The following ROBO2 variants were observed in gnomAD, a reference collection of about 807,000 sequenced individuals.
ROBO2 encodes roundabout homolog 2.
In ROBO2, 53 loss-of-function variants were observed where a neutral mutation model predicts 160.8. That is an observed-to-expected ratio of 0.33 (90% confidence interval 0.26 to 0.41). The LOEUF (loss-of-function observed/expected upper bound fraction) is 0.41. ROBO2 is among the 10% of genes least tolerant of loss of function. The pLI, the probability that ROBO2 is intolerant of heterozygous loss-of-function variation, is 1.00. For missense variants in ROBO2, 1,577 were observed against 1,722.4 expected (o/e 0.92, Z 1.49); for synonymous variants, 664 against 611.7 (o/e 1.09, Z -1.26).
intron 6 of ROBO2, among the ~76,000 whole-genome samples, chr3:77,528,771 T>C (rs2091402048): frequency 6.6e-6 from 1 of 151,710 alleles, no homozygotes; most frequent in Non-Finnish European, 1.5e-5. Flanking sequence ...TAAATAAAGC[T>C]ATGGTTCACA....
chr3:77,336,844 A>G (rs2066547843), intron 2 of ROBO2, among the ~76,000 whole-genome samples: 1 of 152,202 alleles, frequency 6.6e-6, no homozygotes, highest in African/African-American at 2.4e-5. Context: ...GTGATGCTGA[A>G]TGAATTGGTG....
At chr3:76,500,284 A>C (rs952311669) in intron 2 of ROBO2, among the ~76,000 whole-genome samples, 1 of 152,072 alleles carries the variant, frequency 6.6e-6, no homozygotes, top group Non-Finnish European at 1.5e-5. Flanking sequence ...ATACCTGGCT[A>C]ATTTGTGTAC....
intron 2 of ROBO2, among the ~76,000 whole-genome samples, chr3:77,346,349 A>G (rs60433902): frequency 0.032 from 4,863 of 152,216 alleles, 238 homozygotes; most frequent in African/African-American, 0.11. Flanking sequence ...CTCCAGTTGT[A>G]CTAATAATAG....
intron 2 of ROBO2, among the ~76,000 whole-genome samples, chr3:77,434,033 G>A (rs55665736): frequency 0.2 from 30,359 of 151,890 alleles, 3,853 homozygotes; most frequent in Middle Eastern, 0.28. Context: ...GCTACTCTTC[G>A]CACCAATCAT....
chr3:77,100,525 T>C (rs1026861826), intron 2 of ROBO2, among the ~76,000 whole-genome samples: 4 of 151,716 alleles, frequency 2.6e-5, no homozygotes, highest in Admixed American at 2.0e-4. Context: ...GAGGAACAGC[T>C]GTAGAGGAAC....
At chr3:76,181,405 C>T (rs1357688912) in intron 2 of ROBO2, among the ~76,000 whole-genome samples, 3 of 152,006 alleles carry the variant, frequency 2.0e-5, no homozygotes, top group Non-Finnish European at 2.9e-5. Context: ...TCAAATGAGT[C>T]GATTCAGCAG....
At position 76,620,012 on chromosome 3, in the gene ROBO2, G is replaced by A. The variant is rs182638266; in HGVS notation, c.110-478002G>A. Among the ~76,000 whole-genome samples the A allele has an allele frequency of 2.0e-5, 3 of 152,224 alleles. No homozygotes were observed. The East Asian group carries it at 5.8e-4, about 29-fold the overall frequency. The stretch of plus-strand genomic sequence containing the variant: ...TAAGGCTTGGAAATATAAAACATAT[G>A]TCTAGTTGGGAAATTGAACATTTAA... On this transcript the variant is annotated intron_variant, in intron 2 of 26. Transcript: ENST00000487694.
chr3:77,444,874 T>G (rs189454960), intron 2 of ROBO2, among the ~76,000 whole-genome samples: 24 of 152,326 alleles, frequency 1.6e-4, no homozygotes, highest in African/African-American at 5.3e-4. Flanking sequence ...CATGCAGAAT[T>G]GTCACCTATG....
At chr3:77,022,172 C>A (rs1465820001) in intron 2 of ROBO2, among the ~76,000 whole-genome samples, 1 of 152,154 alleles carries the variant, frequency 6.6e-6, no homozygotes, top group Non-Finnish European at 1.5e-5. Context: ...GGGTTTGAGA[C>A]CCGCCTGGCC....
chr3:76,305,484 G>A (rs1389490126), intron 2 of ROBO2, among the ~76,000 whole-genome samples: 2 of 151,010 alleles, frequency 1.3e-5, no homozygotes, highest in African/African-American at 4.9e-5. Flanking sequence ...TCATCGGCAG[G>A]GTGTGGTGAT....
intron 1 of ROBO2, among the ~76,000 whole-genome samples, chr3:77,062,235 G>A (rs1175635592): frequency 6.6e-6 from 1 of 152,126 alleles, no homozygotes; most frequent in Non-Finnish European, 1.5e-5. Flanking sequence ...CCAAGATGGA[G>A]TCTTAGACTC....
At chr3:76,176,462 T>G (rs559667796) in intron 2 of ROBO2, among the ~76,000 whole-genome samples, 2 of 152,300 alleles carry the variant, frequency 1.3e-5, no homozygotes, top group South Asian at 4.1e-4. Context: ...ATGATAAACT[T>G]CTACACTAAA....
intron 2 of ROBO2, among the ~76,000 whole-genome samples, chr3:77,188,983 G>GAAAGAGAGAGAGAA (rs1553829033): frequency 0.019 from 2,872 of 148,334 alleles, 39 homozygotes; most frequent in Middle Eastern, 0.039. Context: ...GAGAGAGAGA[G>GAAAGAGAGAGAGAA]AGAGAGAGAG....
At chr3:76,677,660 G>A (rs966684744) in intron 2 of ROBO2, among the ~76,000 whole-genome samples, 14 of 151,858 alleles carry the variant, frequency 9.2e-5, no homozygotes, top group African/African-American at 3.1e-4. Flanking sequence ...TAATAGCTAG[G>A]GGTCACAATA....
At chr3:77,162,423 C>T (rs1382606847) in intron 2 of ROBO2, among the ~76,000 whole-genome samples, 1 of 152,136 alleles carries the variant, frequency 6.6e-6, no homozygotes, top group Non-Finnish European at 1.5e-5. Context: ...ATGAAGGTAT[C>T]GTGCTAGGAA....
At chr3:77,083,267 C>G (rs1276108742) in intron 1 of ROBO2, among the ~76,000 whole-genome samples, 3 of 152,104 alleles carry the variant, frequency 2.0e-5, no homozygotes, top group Non-Finnish European at 4.4e-5. Context: ...CGTGGAGGTT[C>G]AGAGTTTTGT....
intron 2 of ROBO2, among the ~76,000 whole-genome samples, chr3:76,912,085 T>C (rs138406221): frequency 2.0e-5 from 3 of 152,330 alleles, no homozygotes; most frequent in African/African-American, 7.2e-5. Flanking sequence ...ATAAATAAGA[T>C]ATTGAACATT....
intron 2 of ROBO2, among the ~76,000 whole-genome samples, chr3:76,185,451 G>A (rs540775697): frequency 6.6e-6 from 1 of 151,800 alleles, no homozygotes; most frequent in South Asian, 2.1e-4. Context: ...AAAATTATTT[G>A]GGAGCATTTT....
chr3:77,324,962 G>A (rs2065230651), intron 2 of ROBO2, among the ~76,000 whole-genome samples: 1 of 152,144 alleles, frequency 6.6e-6, no homozygotes, highest in Non-Finnish European at 1.5e-5. Flanking sequence ...TAGCCAAGAT[G>A]CTGTAGGTAG....
Sources: gnomAD v4.1 joint callset for allele counts (sites outside exome capture counted in the v4.1 genomes callset) on GRCh38, gnomAD v4.1.1 for gene constraint, MANE v1.5 for transcripts, NCBI Gene and HGNC (gene_info 2026-07-23, HGNC 2026-07-21) for gene names.